BANP: variants seen among roughly 807,000 people sequenced by gnomAD.
BANP encodes the protein BTG3 associated nuclear protein.
A neutral mutation model predicts 68.1 loss-of-function variants in BANP; 11 were observed. That is an observed-to-expected ratio of 0.16 (90% CI 0.10 to 0.27). The LOEUF is 0.27. Ranked by LOEUF, BANP falls within the 10% of genes least tolerant of loss-of-function variation. BANP has a pLI of 1.00. For missense variants in BANP, 504 were observed against 722.7 expected, an observed-to-expected ratio of 0.70 and a Z score of 3.47; for synonymous variants, 329 against 303.2, an observed-to-expected ratio of 1.09 and a Z score of -0.88.
chr16:87,957,179 C>G lies in BANP; in HGVS notation c.-69+5664C>G, dbSNP rs1488952746. On this transcript the variant is annotated intron_variant, in intron 1 of 13. Transcript: ENST00000682872. This position sits in a 1 kb window ranked among gnomAD's most constrained non-coding sequence, Gnocchi z 4.3. ...GAGCAGACTCCACGACTCGCTGCTC[C>G]CATGGGAGGTGTCTCTCTGGGGAAG... The G allele has an allele frequency of 3.9e-5, 6 of 152,226 alleles. No homozygotes were observed. Among genetic ancestry groups the G allele is most frequent in the Admixed American group, 6.5e-5 (1 of 15,278 alleles). The allele number at this position is 152,226 out of a possible 1,614,324, so 9.4% of individuals were successfully genotyped here.
intron 12 of BANP, among the ~76,000 whole-genome samples, chr16:88,069,271 C>A (rs1000782958): frequency 2.0e-5 from 3 of 152,248 alleles, no homozygotes; most frequent in African/African-American, 7.2e-5. Flanking sequence ...GGAATTCTTG[C>A]CAGCCAGACA....
chr16:87,969,224 C>T (rs1472783884), intron 1 of BANP, among the ~76,000 whole-genome samples: 2 of 83,594 alleles, frequency 2.4e-5, no homozygotes, highest in Non-Finnish European at 4.5e-5. Flanking sequence ...CAATGCCTTA[C>T]GTTGTTTTGT....
At chr16:88,061,938 C>T (rs2086934068) in intron 11 of BANP, among the ~76,000 whole-genome samples, 1 of 152,024 alleles carries the variant, frequency 6.6e-6, no homozygotes, top group Non-Finnish European at 1.5e-5. Flanking sequence ...GGACTGCAGG[C>T]ATGAGCCACC....
intron 8 of BANP, among the ~76,000 whole-genome samples, chr16:88,032,599 T>G (rs1054961815): frequency 2.0e-5 from 3 of 152,256 alleles, no homozygotes; most frequent in African/African-American, 7.2e-5. Flanking sequence ...TTTTCTGCGC[T>G]CTTAATATTC....
At chr16:88,066,698 T>C (rs182751928) in intron 12 of BANP, among the ~76,000 whole-genome samples, 41 of 152,374 alleles carry the variant, frequency 2.7e-4, no homozygotes, top group Middle Eastern at 6.8e-3. Context: ...TGATAGATTC[T>C]TGAAAAACTG....
rs1354140495 is a variant in BANP at position 88,057,801 on chromosome 16, C to A, written c.1312-7466C>A. Among the ~76,000 whole-genome samples the A allele has an allele frequency of 6.6e-6, 1 of 151,942 alleles. No homozygotes were observed. Among genetic ancestry groups the A allele is most frequent in the Non-Finnish European group, 1.5e-5 (1 of 67,990 alleles). On this transcript the variant is annotated intron_variant, in intron 11 of 13. Coordinates refer to ENST00000682872, the MANE Select transcript of BANP (RefSeq NM_001386991.1). This position sits in a 1 kb window ranked among gnomAD's most constrained non-coding sequence, Gnocchi z 4.6. ...GACTCGCGCTGGCCCTGTCCCCGCA[C>A]CCTGGACTCCAGGGCAAGTGGTGCT...
At position 87,964,215 on chromosome 16, in the gene BANP, C is replaced by T. The variant is rs1278652989; in HGVS notation, c.-68-10833C>T. On this transcript the variant is annotated intron_variant, in intron 1 of 13. Coordinates refer to ENST00000682872, the MANE Select transcript of BANP (RefSeq NM_001386991.1). ...TTCATCATTGTGCATTGGGGAATGA[C>T]GTCAGTGGTGTGTTCTCACTGGACT... 2.6e-5 allele frequency among the ~76,000 whole-genome samples: 4 copies of T among 152,202 alleles called. No individual in the cohort carries two copies. In the South Asian group the frequency reaches 8.3e-4, roughly 31 times the overall value.
chr16:88,076,903 C>T lies in BANP; in HGVS notation c.*242C>T, dbSNP rs1452734419. 6 of 524,002 alleles carry T rather than the reference C, an allele frequency of 1.1e-5. No individual in the cohort carries two copies. Among genetic ancestry groups the T allele is most frequent in the East Asian group, 6.4e-5 (2 of 31,242 alleles). 32.5% of individuals were successfully genotyped at this position (524,002 alleles called of 1,614,324 possible). On this transcript the variant is annotated 3_prime_UTR_variant, in exon 14 of 14. Coordinates refer to ENST00000682872, the MANE Select transcript of BANP (RefSeq NM_001386991.1). ...TGGTGTCGGAGCACGAGGGGAGGCA[C>T]GGTGCGGAGAGCGTCGCATATGCGC...
intron 7 of BANP, among the ~76,000 whole-genome samples, chr16:88,022,066 G>A (rs1482820981): frequency 1.3e-5 from 2 of 152,136 alleles, no homozygotes; most frequent in Non-Finnish European, 2.9e-5. Flanking sequence ...TGGACCCCCC[G>A]AATTTGGGCA....
chr16:88,024,309 G>A (rs911751747), intron 7 of BANP, among the ~76,000 whole-genome samples: 4 of 152,136 alleles, frequency 2.6e-5, no homozygotes, highest in African/African-American at 9.7e-5. Flanking sequence ...AATTGGACTT[G>A]GACACATCAC....
Position 88,057,450 on chromosome 16 carries a change from T to A in BANP, c.1312-7817T>A, listed in dbSNP as rs1262455582. 6.6e-6 allele frequency among the ~76,000 whole-genome samples: 1 copy of A among 152,062 alleles called. No homozygotes were observed. Among genetic ancestry groups the A allele is most frequent in the Non-Finnish European group, 1.5e-5 (1 of 68,010 alleles). On this transcript the variant is annotated intron_variant, in intron 11 of 13. Coordinates refer to ENST00000682872, the MANE Select transcript of BANP (RefSeq NM_001386991.1). The surrounding 1 kb of genome is among the most constrained non-coding windows in gnomAD (Gnocchi z 4.6). The stretch of plus-strand genomic sequence containing the variant: ...TGAAGGTGAGCCTTCTCCAGGGGGA[T>A]GCCCTGGAGACTCTTGCGGTCCCCT...
intron 1 of BANP, among the ~76,000 whole-genome samples, chr16:87,954,527 AT>A (rs758117719): frequency 4.5e-4 from 68 of 152,154 alleles, no homozygotes; most frequent in Non-Finnish European, 8.5e-4. Context: ...CCCTCGGGTG[AT>A]TGGGAGCCTG....
chr16:88,065,570 A>AG (rs2088301769), intron 12 of BANP, among the ~76,000 whole-genome samples: 2 of 152,198 alleles, frequency 1.3e-5, no homozygotes, highest in South Asian at 4.1e-4. Flanking sequence ...TGCCCAGCAC[A>AG]GCGAGCTGGG....
intron 8 of BANP, among the ~76,000 whole-genome samples, chr16:88,031,926 T>C (rs1479480462): frequency 6.6e-6 from 1 of 151,356 alleles, no homozygotes; most frequent in Non-Finnish European, 1.5e-5. Flanking sequence ...TACTTCAGCC[T>C]CCCAAGTAGT....
chr16:88,051,983 C>A (rs73252312), intron 11 of BANP, among the ~76,000 whole-genome samples: 2,557 of 152,194 alleles, frequency 0.017, 72 homozygotes, highest in African/African-American at 0.058. Context: ...ATAATACTCC[C>A]AATCAGTATG....
intron 8 of BANP, among the ~76,000 whole-genome samples, chr16:88,029,027 C>G (rs1373342140): frequency 6.6e-6 from 1 of 152,186 alleles, no homozygotes; most frequent in Admixed American, 6.5e-5. Flanking sequence ...GTCAGGGAGC[C>G]CAGGCGTGGT....
At chr16:88,011,038 G>A (rs1267096273) in intron 6 of BANP, among the ~76,000 whole-genome samples, 1 of 152,250 alleles carries the variant, frequency 6.6e-6, no homozygotes, top group Non-Finnish European at 1.5e-5. Context: ...GGATTGCAGA[G>A]AGATGAGTGA....
chr16:87,951,146 T>A (rs1025497305), upstream of BANP, among the ~76,000 whole-genome samples: 10 of 152,228 alleles, frequency 6.6e-5, no homozygotes, highest in Non-Finnish European at 1.0e-4. Context: ...TAATGCGTAT[T>A]CATTCCGTCT....
At chr16:87,969,230 TTTGTTGTTGTTG>T (rs72032414) in intron 1 of BANP, among the ~76,000 whole-genome samples, 38 of 150,582 alleles carry the variant, frequency 2.5e-4, no homozygotes, top group Non-Finnish European at 3.5e-4. Flanking sequence ...CTTACGTTGT[TTTGTTGTTGTTG>T]TTGTTGTTGT....
Sources: allele counts gnomAD v4.1 joint callset (sites outside exome capture counted in the v4.1 genomes callset), GRCh38; gene constraint gnomAD v4.1.1; non-coding constraint Gnocchi (gnomAD v3.1); transcripts MANE v1.5; gene names NCBI Gene and HGNC (gene_info 2026-07-23, HGNC 2026-07-21).